GALNT17: variants seen among roughly 807,000 people sequenced by gnomAD.
The protein encoded by GALNT17 is polypeptide N-acetylgalactosaminyltransferase 17, also known as UDP-GalNAc:polypeptide N-acetylgalactosaminyltransferase-like 3.
In GALNT17, 29 loss-of-function variants were observed where a neutral mutation model predicts 63.7. The observed-to-expected ratio is 0.46, with a 90% CI of 0.34 to 0.62. The LOEUF (loss-of-function observed/expected upper bound fraction) is 0.62, where lower values mean the gene tolerates loss of function less well. GALNT17 is among the 20% of genes least tolerant of loss of function. The pLI, the probability that GALNT17 is intolerant of heterozygous loss-of-function variation, is 0.01. For missense variants in GALNT17, 603 were observed against 799.6 expected, an observed-to-expected ratio of 0.75 and a Z score of 2.97; for synonymous variants, 305 against 318.3, an observed-to-expected ratio of 0.96 and a Z score of 0.45.
chr7:71,369,835 A>G (rs956588637), intron 2 of GALNT17, among the ~76,000 whole-genome samples: 2 of 147,724 alleles, frequency 1.4e-5, no homozygotes, highest in African/African-American at 5.0e-5. Context: ...AAAAAAAAAA[A>G]AAGAACAAAA....
At chr7:71,316,361 G>A (rs1355878020) in intron 1 of GALNT17, among the ~76,000 whole-genome samples, 1 of 151,942 alleles carries the variant, frequency 6.6e-6, no homozygotes, top group East Asian at 1.9e-4. Flanking sequence ...GGTGGGGTGC[G>A]ACTGGGAAGT....
intron 5 of GALNT17, among the ~76,000 whole-genome samples, chr7:71,456,639 G>A (rs74659545): frequency 0.01 from 1,552 of 151,894 alleles, 23 homozygotes; most frequent in African/African-American, 0.035. Flanking sequence ...CAGGAGAATC[G>A]CTTGAACTCT....
At chr7:71,654,915 A>G (rs1426337497) in intron 6 of GALNT17, among the ~76,000 whole-genome samples, 2 of 151,998 alleles carry the variant, frequency 1.3e-5, no homozygotes, top group African/African-American at 4.8e-5. Context: ...CAGCCTCCCG[A>G]GTAGCTGGGA....
At chr7:71,339,812 A>G (rs1223422484) in intron 2 of GALNT17, among the ~76,000 whole-genome samples, 3 of 152,192 alleles carry the variant, frequency 2.0e-5, no homozygotes, top group South Asian at 2.1e-4. Flanking sequence ...CCCATGGCCC[A>G]ATATTGCCGT....
chr7:71,454,695 C>T (rs1221144891), intron 5 of GALNT17, among the ~76,000 whole-genome samples: 1 of 152,130 alleles, frequency 6.6e-6, no homozygotes, highest in Non-Finnish European at 1.5e-5. Context: ...GAAATGTGTG[C>T]ATGAACAATT....
chr7:71,338,024 G>A (rs1482970983), intron 2 of GALNT17, among the ~76,000 whole-genome samples: 3 of 151,932 alleles, frequency 2.0e-5, no homozygotes, highest in African/African-American at 7.3e-5. Context: ...ACATGGCAAA[G>A]CATTGTCTCT....
intron 1 of GALNT17, among the ~76,000 whole-genome samples, chr7:71,241,821 C>T (rs1051310238): frequency 6.6e-6 from 1 of 152,072 alleles, no homozygotes; most frequent in Non-Finnish European, 1.5e-5. Flanking sequence ...CCCAGGAGTT[C>T]TAGGCTGCAG....
At chr7:71,638,675 A>G (rs1790562251) in intron 6 of GALNT17, among the ~76,000 whole-genome samples, 1 of 152,212 alleles carries the variant, frequency 6.6e-6, no homozygotes, top group South Asian at 2.1e-4. Context: ...AGGTTTATCA[A>G]GGTCTAATCA....
At chr7:71,454,839 T>TG (rs1341583282) in intron 5 of GALNT17, among the ~76,000 whole-genome samples, 2 of 152,114 alleles carry the variant, frequency 1.3e-5, no homozygotes, top group Admixed American at 6.5e-5. Flanking sequence ...CATCCTCCGT[T>TG]GAACTATTCC....
At chr7:71,646,464 G>A (rs1488077090) in intron 6 of GALNT17, among the ~76,000 whole-genome samples, 1 of 152,138 alleles carries the variant, frequency 6.6e-6, no homozygotes, top group African/African-American at 2.4e-5. Context: ...GAGTAGAATG[G>A]AGAGTGGATT....
intron 5 of GALNT17, among the ~76,000 whole-genome samples, chr7:71,516,861 A>G (rs1006796986): frequency 6.6e-6 from 1 of 152,104 alleles, no homozygotes; most frequent in Non-Finnish European, 1.5e-5. Flanking sequence ...TAAACTTCCT[A>G]TGTTTGACCT....
chr7:71,165,875 T>A (rs1788431487), intron 1 of GALNT17, among the ~76,000 whole-genome samples: 1 of 152,058 alleles, frequency 6.6e-6, no homozygotes, highest in African/African-American at 2.4e-5. Flanking sequence ...TGTGACTATG[T>A]AAATAAACCT....
chr7:71,710,620 G>A, intron 9 of GALNT17, 141 bp from the exon 10 acceptor site: 2 of 965,142 alleles, frequency 2.1e-6, no homozygotes, highest in Admixed American at 2.4e-5. Flanking sequence ...CATATGGCCT[G>A]AGTGACAGGC....
At chr7:71,448,990 A>T (rs775412996) in intron 5 of GALNT17, among the ~76,000 whole-genome samples, 17 of 152,030 alleles carry the variant, frequency 1.1e-4, no homozygotes, top group Non-Finnish European at 2.2e-4. Context: ...TGATGGTTTA[A>T]ACGGATGGAT....
chr7:71,429,986 C>T (rs550689955), intron 5 of GALNT17, among the ~76,000 whole-genome samples: 6 of 152,194 alleles, frequency 3.9e-5, no homozygotes, highest in South Asian at 2.1e-4. Context: ...GGATTACATA[C>T]GTGAGCCACC....
intron 6 of GALNT17, 35 bp from the exon 7 acceptor site, chr7:71,665,371 GAATTT>G (rs775070906): frequency 6.4e-7 from 1 of 1,572,168 alleles, no homozygotes; most frequent in South Asian, 1.2e-5. Flanking sequence ...TAGCCTCTGG[GAATTT>G]CTTTTTCAGG....
chr7:71,690,094 G>A (rs1339466713), intron 9 of GALNT17, among the ~76,000 whole-genome samples: 6 of 149,620 alleles, frequency 4.0e-5, no homozygotes, highest in Non-Finnish European at 8.9e-5. Flanking sequence ...GCGCAATCTC[G>A]GCTCACTGCA....
intron 5 of GALNT17, among the ~76,000 whole-genome samples, chr7:71,520,158 C>G (rs577985864): frequency 6.6e-6 from 1 of 152,174 alleles, no homozygotes; most frequent in South Asian, 2.1e-4. Context: ...TGTATGGCGT[C>G]TCATGGGGGC....
chr7:71,383,993 T>G (rs2116327844), intron 2 of GALNT17, among the ~76,000 whole-genome samples: 1 of 152,330 alleles, frequency 6.6e-6, no homozygotes, highest in African/African-American at 2.4e-5. Flanking sequence ...GCTACTCTAC[T>G]GTTAACGGAC....
Sources: gnomAD v4.1 joint callset for allele counts (sites outside exome capture counted in the v4.1 genomes callset) on GRCh38, gnomAD v4.1.1 for gene constraint, MANE v1.5 for transcripts, NCBI Gene and HGNC (gene_info 2026-07-23, HGNC 2026-07-21) for gene names.